The following DPP10 variants were observed in gnomAD, a reference collection of about 807,000 sequenced individuals.
DPP10 encodes dipeptidyl peptidase like 10, also known as inactive dipeptidyl peptidase 10.
In DPP10, 33 loss-of-function variants were observed where a neutral mutation model predicts 120.9. The ratio of observed to expected loss-of-function variants is 0.27; its 90% CI spans 0.21 to 0.37. The LOEUF is 0.37. DPP10 is among the 10% of genes least tolerant of loss of function. The pLI, the probability that DPP10 is intolerant of heterozygous loss-of-function variation, is 1.00. For synonymous variants in DPP10, 337 were observed against 326.1 expected (o/e 1.03, Z -0.36); for missense variants, 816 against 942.8 (o/e 0.87, Z 1.76).
intron 1 of DPP10, among the ~76,000 whole-genome samples, chr2:114,613,644 C>T (rs1247602293): frequency 3.9e-5 from 6 of 152,042 alleles, no homozygotes; most frequent in African/African-American, 9.7e-5. Context: ...AATCATTCTA[C>T]GATAAAGACA....
chr2:114,460,093 G>T (rs1311817569), intron 1 of DPP10, among the ~76,000 whole-genome samples: 3 of 152,110 alleles, frequency 2.0e-5, no homozygotes, highest in Non-Finnish European at 4.4e-5. Context: ...AGATGATAAT[G>T]GGGCTGGATA....
chr2:115,750,567 T>C (rs1026799250), intron 10 of DPP10, among the ~76,000 whole-genome samples: 1 of 152,194 alleles, frequency 6.6e-6, no homozygotes, highest in Non-Finnish European at 1.5e-5. Flanking sequence ...CAGATTATGC[T>C]TTGCTTATGA....
chr2:115,672,666 TTC>T (rs1178410248), intron 5 of DPP10, among the ~76,000 whole-genome samples: 8 of 130,042 alleles, frequency 6.2e-5, no homozygotes, highest in African/African-American at 2.6e-4. Context: ...CTTTCTTTCT[TTC>T]TCTCTTTCTT....
Position 114,638,071 on chromosome 2 carries a change from G to A in DPP10, c.60+195233G>A, listed in dbSNP as rs533689520. On this transcript the variant is annotated intron_variant, in intron 1 of 25. Transcript: ENST00000410059. Reference sequence around the variant, plus strand: ...TAATGTTAAGTCTGTAAATTGCTTTGGGCAGTATGGCCATTTTAATAATAT... The same window carrying A: ...TAATGTTAAGTCTGTAAATTGCTTTAGGCAGTATGGCCATTTTAATAATAT... Among the ~76,000 whole-genome samples the A allele has an allele frequency of 2.6e-4, 39 of 151,874 alleles. 1 individual carries two copies. The highest frequency in any genetic ancestry group is 9.5e-4 in the African/African-American group (39 of 41,208).
chr2:114,904,135 CA>C (rs1352314518), intron 1 of DPP10, among the ~76,000 whole-genome samples: 2 of 152,186 alleles, frequency 1.3e-5, no homozygotes, highest in East Asian at 3.9e-4. Context: ...AAAATATGGA[CA>C]TTAAGAGTGG....
intron 1 of DPP10, among the ~76,000 whole-genome samples, chr2:114,662,172 C>A (rs1697461610): frequency 6.6e-6 from 1 of 152,114 alleles, no homozygotes; most frequent in African/African-American, 2.4e-5. Context: ...GCGAACGGTG[C>A]GTGATGGAGG....
intron 1 of DPP10, among the ~76,000 whole-genome samples, chr2:115,240,735 C>T (rs756615767): frequency 2.0e-4 from 30 of 152,302 alleles, no homozygotes; most frequent in Non-Finnish European, 3.5e-4. Flanking sequence ...CCCACAATGT[C>T]TTCAAAGTAT....
rs142006759 is a variant in DPP10 at position 114,911,589 on chromosome 2, C to A, written c.61-397650C>A. Among the ~76,000 whole-genome samples the A allele has an allele frequency of 5.6e-3, 860 of 152,244 alleles. 3 individuals are homozygous for A. The highest frequency in any genetic ancestry group is 9.4e-3 in the Non-Finnish European group (640 of 68,022). ...GTTTTCAGAAGGGGGCTCTCTGGAG[C>A]AGTGACATTAATTTGGGGCAAAGGA... On this transcript the variant is annotated intron_variant, in intron 1 of 25. Coordinates refer to ENST00000410059, the MANE Select transcript of DPP10 (RefSeq NM_020868.6).
intron 1 of DPP10, among the ~76,000 whole-genome samples, chr2:115,143,595 G>A (rs2051047527): frequency 6.6e-6 from 1 of 152,196 alleles, no homozygotes; most frequent in African/African-American, 2.4e-5. Context: ...AAGCACAAAA[G>A]TATAAAATGC....
chr2:115,181,473 A>G (rs1408852762), intron 1 of DPP10, among the ~76,000 whole-genome samples: 1 of 152,094 alleles, frequency 6.6e-6, no homozygotes, highest in African/African-American at 2.4e-5. Flanking sequence ...TATGTCTTGT[A>G]TATTGTTGCT....
intron 1 of DPP10, among the ~76,000 whole-genome samples, chr2:114,702,247 AG>A (rs1700427559): frequency 6.6e-6 from 1 of 152,086 alleles, no homozygotes; most frequent in South Asian, 2.1e-4. Context: ...CACTTCAACC[AG>A]GGGGGCATGG....
chr2:115,597,955 G>A (rs531045661), intron 5 of DPP10, among the ~76,000 whole-genome samples: 1 of 152,022 alleles, frequency 6.6e-6, no homozygotes, highest in East Asian at 1.9e-4. Flanking sequence ...TCAGTTATTA[G>A]GTATATAAAC....
chr2:114,485,463 T>G (rs899712414), intron 1 of DPP10, among the ~76,000 whole-genome samples: 1 of 74,294 alleles, frequency 1.3e-5, no homozygotes, highest in Admixed American at 1.1e-4. Context: ...GGAAAAACTG[T>G]TTTTTTTTTT....
chr2:115,457,190 G>A (rs1298192237), intron 3 of DPP10, among the ~76,000 whole-genome samples: 1 of 151,692 alleles, frequency 6.6e-6, no homozygotes, highest in African/African-American at 2.4e-5. Flanking sequence ...TTCAACAAAT[G>A]GTGATAGGAA....
chr2:114,554,297 G>T (rs761738372), intron 1 of DPP10, among the ~76,000 whole-genome samples: 16 of 152,182 alleles, frequency 1.1e-4, no homozygotes, highest in Non-Finnish European at 1.9e-4. Flanking sequence ...AGATGCCAGC[G>T]CTTGGCTCAG....
At chr2:115,541,692 T>G (rs557709996) in intron 5 of DPP10, among the ~76,000 whole-genome samples, 2 of 151,956 alleles carry the variant, frequency 1.3e-5, no homozygotes, top group East Asian at 3.9e-4. Flanking sequence ...CTAGGTTAAT[T>G]AATCATAAAT....
At chr2:114,751,918 T>A (rs1679263960) in intron 1 of DPP10, among the ~76,000 whole-genome samples, 1 of 152,214 alleles carries the variant, frequency 6.6e-6, no homozygotes, top group Admixed American at 6.5e-5. Context: ...AAAGTGCAGA[T>A]TGTGAATAGG....
intron 5 of DPP10, among the ~76,000 whole-genome samples, chr2:115,643,916 T>C (rs2086999475): frequency 1.3e-5 from 2 of 152,142 alleles, no homozygotes; most frequent in African/African-American, 4.8e-5. Context: ...AAAGTAGAGA[T>C]CCACTTAAAA....
At chr2:115,370,427 G>T (rs2065334048) in intron 3 of DPP10, among the ~76,000 whole-genome samples, 1 of 152,066 alleles carries the variant, frequency 6.6e-6, no homozygotes, top group South Asian at 2.1e-4. Context: ...AGGATTTGTA[G>T]AGAAGTAGAA....
Sources: gnomAD v4.1 joint callset for allele counts (sites outside exome capture counted in the v4.1 genomes callset) on GRCh38, gnomAD v4.1.1 for gene constraint, MANE v1.5 for transcripts, NCBI Gene and HGNC (gene_info 2026-07-23, HGNC 2026-07-21) for gene names.